CNBD1: variants seen among roughly 807,000 people sequenced by gnomAD.
CNBD1 encodes the protein cyclic nucleotide-binding domain-containing protein 1.
A neutral mutation model predicts 54.4 loss-of-function variants in CNBD1; 71 were observed. The observed-to-expected ratio is 1.30, with a 90% CI of 1.08 to 1.59. The LOEUF is 1.59. CNBD1 is among the 40% of genes most tolerant of loss of function. The probability of loss-of-function intolerance (pLI) is 0.00; values close to 1 mark genes in which losing one functional copy is unlikely to be tolerated. For missense variants in CNBD1, 659 were observed against 518.0 expected (o/e 1.27, Z -2.64); for synonymous variants, 182 against 170.7 (o/e 1.07, Z -0.51).
chr8:87,422,915 G>A (rs1046247634), intron 2 of CNBD1, among the ~76,000 whole-genome samples: 1 of 152,022 alleles, frequency 6.6e-6, no homozygotes, highest in Non-Finnish European at 1.5e-5. Flanking sequence ...AGCATGGAAT[G>A]TTCTTCCGTT....
intron 4 of CNBD1, among the ~76,000 whole-genome samples, chr8:87,130,219 A>G (rs982034981): frequency 1.3e-5 from 2 of 152,168 alleles, no homozygotes; most frequent in African/African-American, 2.4e-5. Flanking sequence ...TATCTTAGCT[A>G]CATTATTATT....
At chr8:87,219,670 A>G (rs900916774) in intron 5 of CNBD1, among the ~76,000 whole-genome samples, 1 of 152,058 alleles carries the variant, frequency 6.6e-6, no homozygotes, top group Non-Finnish European at 1.5e-5. Flanking sequence ...CAAGTCATGA[A>G]CAACTGAAAT....
intron 10 of CNBD1, among the ~76,000 whole-genome samples, chr8:87,358,346 A>T (rs1810460723): frequency 6.6e-6 from 1 of 152,210 alleles, no homozygotes; most frequent in Non-Finnish European, 1.5e-5. Context: ...TTCTTCTGTG[A>T]CATTCAAATA....
chr8:87,335,384 G>C (rs957000348), intron 8 of CNBD1, among the ~76,000 whole-genome samples: 1 of 152,094 alleles, frequency 6.6e-6, no homozygotes, highest in Non-Finnish European at 1.5e-5. Flanking sequence ...GAATCTGGGT[G>C]CTCCTGTATT....
At chr8:86,992,133 T>C (rs1808763745) in intron 4 of CNBD1, among the ~76,000 whole-genome samples, 1 of 152,182 alleles carries the variant, frequency 6.6e-6, no homozygotes, top group Non-Finnish European at 1.5e-5. Context: ...TATTATTGTG[T>C]AGCTGTCTAA....
chr8:87,388,936 C>T (rs1811250508), intron 2 of CNBD1, among the ~76,000 whole-genome samples: 1 of 152,152 alleles, frequency 6.6e-6, no homozygotes, highest in African/African-American at 2.4e-5. Context: ...TGATGCAAGG[C>T]TGATTCAACA....
chr8:87,115,941 T>G (rs1811758654), intron 4 of CNBD1, among the ~76,000 whole-genome samples: 1 of 152,110 alleles, frequency 6.6e-6, no homozygotes, highest in South Asian at 2.1e-4. Flanking sequence ...ACAAATACCT[T>G]CAATGCCAGT....
At chr8:87,353,469 T>C (rs1018070453) in intron 9 of CNBD1, among the ~76,000 whole-genome samples, 167 bp from the exon 10 acceptor site, 5 of 152,220 alleles carry the variant, frequency 3.3e-5, no homozygotes, top group African/African-American at 1.2e-4. Context: ...TCTAATATAA[T>C]TGAAATGCTT....
At chr8:87,092,397 GTGTGTGTGTATA>G (rs768556222) in intron 4 of CNBD1, among the ~76,000 whole-genome samples, 1 of 146,138 alleles carries the variant, frequency 6.8e-6, no homozygotes, top group Non-Finnish European at 1.5e-5. Context: ...ATATATATGT[GTGTGTGTGTATA>G]TGTGTGTGTA....
chr8:86,974,470 A>G (rs917464957), intron 4 of CNBD1, among the ~76,000 whole-genome samples: 7 of 152,058 alleles, frequency 4.6e-5, no homozygotes, highest in African/African-American at 1.7e-4. Context: ...CAAGAGACAC[A>G]AGATTATTCA....
chr8:87,043,445 C>T (rs1810116604), intron 4 of CNBD1, among the ~76,000 whole-genome samples: 1 of 152,180 alleles, frequency 6.6e-6, no homozygotes, highest in African/African-American at 2.4e-5. Context: ...CTTGATTCAA[C>T]ACATTTTGTC....
intron 4 of CNBD1, among the ~76,000 whole-genome samples, chr8:86,976,428 A>G (rs1345442768): frequency 6.6e-6 from 1 of 151,816 alleles, no homozygotes; most frequent in Non-Finnish European, 1.5e-5. Flanking sequence ...TAAGGGTTCA[A>G]CTTTATTATT....
intron 2 of CNBD1, among the ~76,000 whole-genome samples, chr8:86,903,804 T>G (rs2131807036): frequency 6.6e-6 from 1 of 151,870 alleles, no homozygotes; most frequent in South Asian, 2.1e-4. Flanking sequence ...ATAACAAGTA[T>G]CCAGTGAAAA....
intron 8 of CNBD1, among the ~76,000 whole-genome samples, chr8:87,306,072 C>G (rs757671073): frequency 3.0e-4 from 46 of 152,136 alleles, no homozygotes; most frequent in African/African-American, 1.1e-3. Context: ...AAAAAACCAT[C>G]CCATCAAAAA....
chr8:87,159,923 A>T (rs551634031), intron 4 of CNBD1, among the ~76,000 whole-genome samples: 4 of 151,010 alleles, frequency 2.6e-5, no homozygotes, highest in African/African-American at 9.8e-5. Context: ...TAACAGATAC[A>T]TAGCTTTTTT....
chr8:87,103,478 A>G (rs1006365408), intron 4 of CNBD1, among the ~76,000 whole-genome samples: 1 of 152,214 alleles, frequency 6.6e-6, no homozygotes, highest in African/African-American at 2.4e-5. Context: ...ATTTATAAGG[A>G]AAGAGGTTTA....
At chr8:87,423,424 G>T (rs921600466) in intron 2 of CNBD1, among the ~76,000 whole-genome samples, 22 of 151,690 alleles carry the variant, frequency 1.5e-4, no homozygotes, top group Admixed American at 2.6e-4. Context: ...GTCACAGATA[G>T]CTCTTATTAT....
At chr8:86,880,140 C>G (rs1808583631) in intron 1 of CNBD1, among the ~76,000 whole-genome samples, 4 of 151,980 alleles carry the variant, frequency 2.6e-5, no homozygotes, top group Admixed American at 2.6e-4. Flanking sequence ...TCAAAGAGAA[C>G]CTGAAATAAG....
At chr8:87,146,053 C>G (rs1375789191) in intron 4 of CNBD1, among the ~76,000 whole-genome samples, 1 of 152,078 alleles carries the variant, frequency 6.6e-6, no homozygotes, top group Non-Finnish European at 1.5e-5. Context: ...GAAGTCCTGT[C>G]TCCAAATATT....
Sources: allele counts gnomAD v4.1 joint callset (sites outside exome capture counted in the v4.1 genomes callset), GRCh38; gene constraint gnomAD v4.1.1; transcripts MANE v1.5; gene names NCBI Gene and HGNC (gene_info 2026-07-23, HGNC 2026-07-21).